VPS4B: variants seen among roughly 807,000 people sequenced by gnomAD.
VPS4B encodes vacuolar protein sorting 4 homolog B, also known as vacuolar protein sorting-associated protein 4B.
Under a neutral mutation model 56.1 loss-of-function variants are expected in VPS4B, and 23 were observed. That is an observed-to-expected ratio of 0.41 (90% confidence interval 0.30 to 0.58). VPS4B has a LOEUF of 0.58. VPS4B is among the 20% of genes least tolerant of loss of function. The pLI is 0.29. For missense variants in VPS4B, 372 were observed against 531.9 expected, an observed-to-expected ratio of 0.70 and a Z score of 2.96; for synonymous variants, 177 against 186.0, an observed-to-expected ratio of 0.95 and a Z score of 0.39.
intron 1 of VPS4B, among the ~76,000 whole-genome samples, chr18:63,415,082 G>A (rs987264839): frequency 9.9e-5 from 15 of 152,172 alleles, no homozygotes; most frequent in African/African-American, 2.9e-4. Context: ...ACCTTTAATC[G>A]AAGACGATGA....
At position 63,400,170 on chromosome 18, in the gene VPS4B, G is replaced by C; in HGVS notation, c.668C>G (p.Ala223Gly). The C allele has an allele frequency of 6.2e-7, 1 of 1,607,576 alleles. No homozygotes were observed. The highest frequency in any genetic ancestry group is 8.5e-7 in the Non-Finnish European group (1 of 1,177,866). Residue 223 changes from alanine (A) to glycine (G), a missense_variant, in exon 7 of 11, where the codon GCC (alanine) becomes GGC (glycine). By Grantham distance (60) the Ala-to-Gly change is moderately conservative. Coordinates refer to ENST00000238497, the MANE Select transcript of VPS4B (RefSeq NM_004869.4). ...EKLVKNLFQL[A>G]RENKPSIIFI... ...GATAATGGAGGGCTTGTTCTCTCTG[G>C]CAAGTTGGAATAAATTCTTAACCAG...
At chr18:63,399,179 G>C in intron 8 of VPS4B, 63 bp downstream of exon 8, 4 of 1,428,960 alleles carry the variant, frequency 2.8e-6, no homozygotes, top group East Asian at 2.3e-5. Context: ...AAGACAAAAA[G>C]AGAATTATCA....
chr18:63,397,979 C>T (rs371147527), intron 8 of VPS4B, among the ~76,000 whole-genome samples: 47 of 151,920 alleles, frequency 3.1e-4, no homozygotes, highest in African/African-American at 9.7e-4. Flanking sequence ...AGAATGCTGG[C>T]GCAAATCATC....
chr18:63,412,999 G>A (rs1188272464), intron 1 of VPS4B, among the ~76,000 whole-genome samples: 1 of 152,156 alleles, frequency 6.6e-6, no homozygotes, highest in Non-Finnish European at 1.5e-5. Flanking sequence ...TCTATAGACT[G>A]GGAGAAATAT....
At chr18:63,401,838 C>G (rs984703094) in intron 5 of VPS4B, among the ~76,000 whole-genome samples, 1 of 151,928 alleles carries the variant, frequency 6.6e-6, no homozygotes. Flanking sequence ...AGTAAAAATA[C>G]AAAAATTAGC....
chr18:63,416,189 T>C (rs921412487), intron 1 of VPS4B: 1 of 185,368 alleles, frequency 5.4e-6, no homozygotes, highest in African/African-American at 2.3e-5. Context: ...TAAGACAAAC[T>C]TGCCCTTGGG....
intron 4 of VPS4B, among the ~76,000 whole-genome samples, chr18:63,405,279 T>C (rs1418128988): frequency 2.0e-5 from 3 of 152,134 alleles, no homozygotes; most frequent in Non-Finnish European, 1.5e-5. Flanking sequence ...GTATATTACT[T>C]AATCACAAAA....
At chr18:63,410,482 A>G (rs1337178585) in intron 2 of VPS4B, 36 bp from the exon 3 acceptor site, 1 of 1,601,690 alleles carries the variant, frequency 6.2e-7, no homozygotes, top group South Asian at 1.1e-5. Context: ...TTTTTCCATT[A>G]GTATTCTATG....
chr18:63,407,511 A>T lies in VPS4B; in HGVS notation c.297-12T>A. On this transcript the variant is annotated splice_polypyrimidine_tract_variant and intron_variant, in intron 3 of 10. Coordinates refer to ENST00000238497, the MANE Select transcript of VPS4B (RefSeq NM_004869.4). The stretch of plus-strand genomic sequence containing the variant: ...CATCACTGTCATTCCTAATAAAAAG[A>T]ATTTAATATATTCAAATGATCACTC... The T allele has an allele frequency of 6.3e-7, 1 of 1,588,850 alleles. No individual in the cohort carries two copies.
Position 63,422,420 on chromosome 18 carries a change from T to TCTCTCCACCAGAGCTCCGACC in VPS4B, c.-182_-162dup. On this transcript the variant is annotated 5_prime_UTR_variant, in exon 1 of 11. Coordinates refer to ENST00000238497, the MANE Select transcript of VPS4B (RefSeq NM_004869.4). ...TTCCGGAACTTGTTTTAGACAACAC[T>TCTCTCCACCAGAGCTCCGACC]CTCTCCACCAGAGCTCCGACCCTCC... 1 of 550,598 alleles carries TCTCTCCACCAGAGCTCCGACC rather than the reference T, an allele frequency of 1.8e-6. No individual in the cohort carries two copies. The highest frequency in any genetic ancestry group is 2.9e-6 in the Non-Finnish European group (1 of 343,016). 34.1% of individuals were successfully genotyped at this position (550,598 alleles called of 1,614,324 possible). A position where few individuals can be genotyped will look rare whatever the true frequency, so the allele number is the denominator to read the frequency against.
chr18:63,389,877 C>T lies in VPS4B; in HGVS notation c.*1098G>A, dbSNP rs1452676958. 6.6e-6 allele frequency: 1 copy of T among 152,578 alleles called. No homozygotes were observed. The highest frequency in any genetic ancestry group is 2.4e-5 in the African/African-American group (1 of 41,428). The allele number at this position is 152,578 out of a possible 1,614,324, so 9.5% of individuals were successfully genotyped here. A position where few individuals can be genotyped will look rare whatever the true frequency, so the allele number is the denominator to read the frequency against. ...AGGTGCGCATTACAGTATTTCATGA[C>T]AGTTAAAAATTACACACCTACCACC... On this transcript the variant is annotated 3_prime_UTR_variant, in exon 11 of 11. Transcript: ENST00000238497.
At chr18:63,392,413 CAAT>C (rs1223173229) in intron 10 of VPS4B, among the ~76,000 whole-genome samples, 2 of 152,104 alleles carry the variant, frequency 1.3e-5, no homozygotes, top group African/African-American at 2.4e-5. Context: ...ACTATAAAAA[CAAT>C]GATACAAGCA....
In VPS4B at chr18:63,417,164, A is replaced by G. The variant is rs1916186288; in HGVS notation, c.27+5069T>C. Among the ~76,000 whole-genome samples the G allele has an allele frequency of 2.6e-5, 4 of 152,272 alleles. No homozygotes were observed. The South Asian group carries it at 8.3e-4, about 32-fold the overall frequency. On this transcript the variant is annotated intron_variant, in intron 1 of 10. Transcript: ENST00000238497. The stretch of plus-strand genomic sequence containing the variant: ...TGGTTACTTCACTTCTGTCATTCTT[A>G]ACAATTTCTCTCCACTAGATATTTC...
intron 9 of VPS4B, among the ~76,000 whole-genome samples, chr18:63,394,837 G>A (rs1046083680): frequency 3.3e-5 from 5 of 150,906 alleles, no homozygotes; most frequent in Non-Finnish European, 7.4e-5. Flanking sequence ...GTGTAGATGT[G>A]AAGAAATACA....
intron 4 of VPS4B, among the ~76,000 whole-genome samples, chr18:63,405,223 T>C (rs1213975681): frequency 6.6e-6 from 1 of 152,180 alleles, no homozygotes; most frequent in African/African-American, 2.4e-5. Context: ...TGGAATGTAC[T>C]TCCAATGATA....
At chr18:63,417,015 G>A (rs749566911) in intron 1 of VPS4B, among the ~76,000 whole-genome samples, 2 of 152,084 alleles carry the variant, frequency 1.3e-5, no homozygotes, top group East Asian at 3.8e-4. Flanking sequence ...TAGGTTCCAT[G>A]AGGACAGGAC....
chr18:63,410,582 T>C lies in VPS4B; in HGVS notation c.140-136A>G, dbSNP rs188169511. On this transcript the variant is annotated intron_variant, in intron 2 of 10. Transcript: ENST00000238497. Reference sequence around the variant, plus strand: ...AGGGAAGATCATCTCTAACTCATCATAGCCAATGATTATCACCTCTTTTCT... The same window carrying C: ...AGGGAAGATCATCTCTAACTCATCACAGCCAATGATTATCACCTCTTTTCT... 50 of 1,154,272 alleles carry C rather than the reference T, an allele frequency of 4.3e-5. No homozygotes were observed. In the African/African-American group the frequency reaches 6.4e-4, roughly 15 times the overall value. The allele number at this position is 1,154,272 out of a possible 1,614,324, so 71.5% of individuals were successfully genotyped here. A position where few individuals can be genotyped will look rare whatever the true frequency, so the allele number is the denominator to read the frequency against.
chr18:63,413,466 G>A (rs1916091046), intron 1 of VPS4B, among the ~76,000 whole-genome samples: 1 of 151,454 alleles, frequency 6.6e-6, no homozygotes, highest in Non-Finnish European at 1.5e-5. Flanking sequence ...TTGAACCCGG[G>A]AGGCGGTGGT....
In VPS4B at chr18:63,393,486, G is replaced by A. The variant is rs1447548931; in HGVS notation, c.1156C>T (p.Pro386Ser). Reference sequence around the variant, plus strand: ...ATTTCAATGGCACCAGGGTCACCTGGAGAGCAAGGTGTTAGCAGATCATCT... The same window carrying A: ...ATTTCAATGGCACCAGGGTCACCTGAAGAGCAAGGTGTTAGCAGATCATCT... ...LVDDLLTPCS[P>S]GDPGAIEMTW... is the part of the protein sequence containing the mutation. The change falls in exon 10 of 11, where the codon CCA (proline) becomes TCA (serine). Residue 386 changes from proline to serine, a missense_variant. Transcript: ENST00000238497. The A allele has an allele frequency of 5.0e-6, 8 of 1,612,856 alleles. No individual in the cohort carries two copies. The highest frequency in any genetic ancestry group is 6.8e-6 in the Non-Finnish European group (8 of 1,179,494).
Sources: allele counts gnomAD v4.1 joint callset (sites outside exome capture counted in the v4.1 genomes callset), GRCh38; gene constraint gnomAD v4.1.1; transcripts MANE v1.5; gene names NCBI Gene and HGNC (gene_info 2026-07-23, HGNC 2026-07-21).